The following GNAI1 variants were observed in gnomAD, a reference collection of about 807,000 sequenced individuals.
GNAI1 encodes the protein guanine nucleotide-binding protein G(i) subunit alpha-1.
GNAI1 carries 11 observed loss-of-function variants against 38.9 expected under a neutral mutation model. The observed-to-expected ratio is 0.28, with a 90% CI of 0.18 to 0.47. The LOEUF is 0.47. Among genes scored for constraint, GNAI1 ranks in the 20% least tolerant of loss-of-function variants. The pLI is 0.99. For missense variants in GNAI1, 317 were observed against 436.9 expected (o/e 0.73, Z 2.45); for synonymous variants, 166 against 145.1 (o/e 1.14, Z -1.04).
At chr7:80,141,843 T>C (rs917616249) in intron 1 of GNAI1, among the ~76,000 whole-genome samples, 4 of 152,232 alleles carry the variant, frequency 2.6e-5, no homozygotes, top group African/African-American at 9.6e-5. Context: ...CAAGGTCTGC[T>C]TTCCACGTAA....
At chr7:80,152,291 A>G (rs574667787) in intron 1 of GNAI1, among the ~76,000 whole-genome samples, 6 of 152,072 alleles carry the variant, frequency 3.9e-5, no homozygotes, top group Non-Finnish European at 8.8e-5. Flanking sequence ...TTTTCCCTCT[A>G]TTAGGGAGAA....
intron 1 of GNAI1, among the ~76,000 whole-genome samples, chr7:80,175,459 G>A (rs1386167671): frequency 2.0e-5 from 3 of 151,542 alleles, no homozygotes; most frequent in African/African-American, 7.3e-5. Flanking sequence ...ATGGGTTAAA[G>A]ATTCATTCCA....
At chr7:80,188,529 TTTTA>T (rs1209264032) in intron 1 of GNAI1, among the ~76,000 whole-genome samples, 10 of 152,190 alleles carry the variant, frequency 6.6e-5, no homozygotes, top group Non-Finnish European at 1.3e-4. Context: ...ATGAAGCTCA[TTTTA>T]TTTATTTGTT....
chr7:80,212,788 A>G lies in GNAI1; in HGVS notation c.793A>G (p.Ile265Val). 1 of 1,577,590 alleles carries G rather than the reference A, an allele frequency of 6.3e-7. No individual in the cohort carries two copies. Among genetic ancestry groups the G allele is most frequent in the Non-Finnish European group, 8.6e-7 (1 of 1,161,118 alleles). ...CAAGTGGTTTACAGATACATCCATTATACTTTTTCTAAACAAGAAGGATCT... is the reference window on the plus strand; with the variant it reads ...CAAGTGGTTTACAGATACATCCATTGTACTTTTTCTAAACAAGAAGGATCT... ...NNKWFTDTSI[I>V]LFLNKKDLFE... The change falls in exon 7 of 8, where the codon ATA becomes GTA. Residue 265 changes from isoleucine (I) to valine (V), a missense_variant. Ile to Val is a conservative substitution (Grantham distance 29). Transcript: ENST00000649796.
chr7:80,175,364 A>ATGTGTGTGTGTGTG (rs71518972), intron 1 of GNAI1, among the ~76,000 whole-genome samples: 10 of 150,372 alleles, frequency 6.7e-5, no homozygotes, highest in Non-Finnish European at 1.5e-4. Context: ...GTGTATATTT[A>ATGTGTGTGTGTGTG]TGTGTGTGTG....
In GNAI1 at chr7:80,152,324, C is replaced by CT. The variant is rs1201832376; in HGVS notation, c.118+17047dup. Among the ~76,000 whole-genome samples, 8 of 152,234 alleles carry CT rather than the reference C, an allele frequency of 5.3e-5. No homozygotes were observed. In the East Asian group the frequency reaches 1.5e-3, roughly 29 times the overall value. Reference sequence around the variant, plus strand: ...GAAAGGGCCTGGTCAAAAGTAGACACTAAGTAAATATCTGTTGAATAAATT... The same window carrying CT: ...GAAAGGGCCTGGTCAAAAGTAGACACTTAAGTAAATATCTGTTGAATAAATT... On this transcript the variant is annotated intron_variant, in intron 1 of 7. Transcript: ENST00000649796.
chr7:80,135,329 C>T (rs1338072485), intron 1 of GNAI1, 51 bp downstream of exon 1: 1 of 1,086,230 alleles, frequency 9.2e-7, no homozygotes, highest in Non-Finnish European at 1.2e-6. Flanking sequence ...CCGGGTGCGG[C>T]GCTGCGCGGC....
rs1788998498 is a variant in GNAI1 at position 80,217,729 on chromosome 7, G to A, written c.*236G>A. The A allele has an allele frequency of 1.0e-5, 3 of 296,928 alleles. No homozygotes were observed. Among genetic ancestry groups the A allele is most frequent in the Non-Finnish European group, 1.2e-5 (2 of 161,542 alleles). The allele number at this position is 296,928 out of a possible 1,614,324, so 18.4% of individuals were successfully genotyped here. A position where few individuals can be genotyped will look rare whatever the true frequency, so the allele number is the denominator to read the frequency against. On this transcript the variant is annotated 3_prime_UTR_variant, in exon 8 of 8. Coordinates refer to ENST00000649796, the MANE Select transcript of GNAI1 (RefSeq NM_002069.6). ...AGGACAGTGTTAAAGCTGGGCTCTA[G>A]TATATTGATGATTTCTGCATAAGTG...
intron 1 of GNAI1, among the ~76,000 whole-genome samples, chr7:80,142,840 T>A (rs930636388): frequency 1.6e-4 from 6 of 37,492 alleles, no homozygotes; most frequent in Non-Finnish European, 8.8e-5. Flanking sequence ...ATCAAAATCA[T>A]GATTCTTGGT....
chr7:80,177,891 A>G (rs1584029856), intron 1 of GNAI1, among the ~76,000 whole-genome samples: 1 of 152,226 alleles, frequency 6.6e-6, no homozygotes, highest in Non-Finnish European at 1.5e-5. Context: ...TATAGCTGCC[A>G]TTAGATAGTG....
At position 80,211,111 on chromosome 7, in the gene GNAI1, A is replaced by G; in HGVS notation, c.720+13A>G. ...AGATGAAGAAATGGCAAGTAGAACT[A>G]CTTTAAGAGTTGAGCTTGAAACATG... On this transcript the variant is annotated intron_variant, in intron 6 of 7. Coordinates refer to ENST00000649796, the MANE Select transcript of GNAI1 (RefSeq NM_002069.6). 2 of 1,610,560 alleles carry G rather than the reference A, an allele frequency of 1.2e-6. No individual in the cohort carries two copies. The highest frequency in any genetic ancestry group is 1.7e-6 in the Non-Finnish European group (2 of 1,177,226).
At chr7:80,140,141 G>A (rs1050742066) in intron 1 of GNAI1, among the ~76,000 whole-genome samples, 1 of 151,906 alleles carries the variant, frequency 6.6e-6, no homozygotes, top group African/African-American at 2.4e-5. Context: ...CTGCCACCAC[G>A]CCCGGCTAAT....
At chr7:80,169,033 A>C (rs1355417718) in intron 1 of GNAI1, among the ~76,000 whole-genome samples, 2 of 152,112 alleles carry the variant, frequency 1.3e-5, no homozygotes, top group Non-Finnish European at 2.9e-5. Flanking sequence ...CTTAAATGTA[A>C]CTAATAATAT....
At chr7:80,187,748 TA>T (rs780843874) in intron 1 of GNAI1, among the ~76,000 whole-genome samples, 6 of 151,912 alleles carry the variant, frequency 3.9e-5, no homozygotes, top group Non-Finnish European at 8.8e-5. Context: ...GGCCAAAGAG[TA>T]TGTGAAGCCA....
chr7:80,137,290 TTTC>T (rs1158192819), intron 1 of GNAI1, among the ~76,000 whole-genome samples: 1 of 105,856 alleles, frequency 9.4e-6, no homozygotes, highest in East Asian at 2.4e-4. Flanking sequence ...CTTTTTCTTT[TTTC>T]TTTTTTTTTT....
At chr7:80,195,175 A>G (rs544136352) in intron 3 of GNAI1, among the ~76,000 whole-genome samples, 1 of 151,858 alleles carries the variant, frequency 6.6e-6, no homozygotes, top group Admixed American at 6.6e-5. Context: ...GAAAAAATAT[A>G]TCTATACATG....
intron 5 of GNAI1, among the ~76,000 whole-genome samples, chr7:80,204,952 C>G (rs1420207818): frequency 6.6e-6 from 1 of 151,804 alleles, no homozygotes; most frequent in African/African-American, 2.4e-5. Context: ...TTTTTTGCTT[C>G]TTAGTATTAT....
At position 80,218,372 on chromosome 7, in the gene GNAI1, T is replaced by C. The variant is rs1789010183; in HGVS notation, c.*879T>C. On this transcript the variant is annotated 3_prime_UTR_variant, in exon 8 of 8. Coordinates refer to ENST00000649796, the MANE Select transcript of GNAI1 (RefSeq NM_002069.6). ...TCAAAGGTGATGTCATCTTAATTTTTATTCACTTTAAATAACTACATTTTT... is the reference window on the plus strand; with the variant it reads ...TCAAAGGTGATGTCATCTTAATTTTCATTCACTTTAAATAACTACATTTTT... 6.6e-6 allele frequency: 1 copy of C among 152,258 alleles called. No individual in the cohort carries two copies. Among genetic ancestry groups the C allele is most frequent in the African/African-American group, 2.4e-5 (1 of 41,562 alleles). 9.4% of individuals were successfully genotyped at this position (152,258 alleles called of 1,614,324 possible). A position where few individuals can be genotyped will look rare whatever the true frequency, so the allele number is the denominator to read the frequency against.
At chr7:80,180,483 C>T (rs189831871) in intron 1 of GNAI1, among the ~76,000 whole-genome samples, 1 of 152,252 alleles carries the variant, frequency 6.6e-6, no homozygotes, top group Admixed American at 6.5e-5. Context: ...AATTTTCCCA[C>T]ATCTTTTTCT....
Sources: gnomAD v4.1 joint callset for allele counts (sites outside exome capture counted in the v4.1 genomes callset) on GRCh38, gnomAD v4.1.1 for gene constraint, MANE v1.5 for transcripts, NCBI Gene and HGNC (gene_info 2026-07-23, HGNC 2026-07-21) for gene names.